The following AARS1 variants were observed in gnomAD, a reference collection of about 807,000 sequenced individuals.
AARS1 encodes the protein alanyl-tRNA synthetase 1.
AARS1 carries 72 observed loss-of-function variants against 108.9 expected under a neutral mutation model. The ratio of observed to expected loss-of-function variants is 0.66; its 90% CI spans 0.55 to 0.80. The LOEUF is 0.80. Among genes scored for constraint, AARS1 ranks in the 30% least tolerant of loss-of-function variants. AARS1 has a pLI of 0.00. For synonymous variants in AARS1, 489 were observed against 465.7 expected (o/e 1.05, Z -0.64); for missense variants, 1,193 against 1,233.2 (o/e 0.97, Z 0.49).
At chr16:70,265,210 T>G in intron 10 of AARS1, 108 bp from the exon 11 acceptor site, 1 of 1,395,452 alleles carries the variant, frequency 7.2e-7, no homozygotes, top group Non-Finnish European at 1.0e-6. Flanking sequence ...AGAACAGGGT[T>G]TTTCAATCCT....
At chr16:70,269,505 G>A (rs1960346335) in intron 7 of AARS1, 113 bp downstream of exon 7, 2 of 1,484,480 alleles carry the variant, frequency 1.3e-6, no homozygotes, top group African/African-American at 1.4e-5. Context: ...TTGTACTCCA[G>A]CCTGGGCAAC....
At chr16:70,278,884 C>A (rs1437318927) in intron 2 of AARS1, among the ~76,000 whole-genome samples, 1 of 152,000 alleles carries the variant, frequency 6.6e-6, no homozygotes, top group African/African-American at 2.4e-5. Context: ...GGGTTCAAGT[C>A]CACACTGGCA....
intron 6 of AARS1, 70 bp from the exon 7 acceptor site, chr16:70,269,833 T>G: frequency 6.3e-7 from 1 of 1,594,036 alleles, no homozygotes; most frequent in Non-Finnish European, 8.6e-7. Flanking sequence ...CCAAGGAGGT[T>G]CCTGGAGGAT....
intron 4 of AARS1, among the ~76,000 whole-genome samples, chr16:70,275,174 C>T (rs755082704): frequency 8.6e-5 from 13 of 151,308 alleles, no homozygotes; most frequent in Non-Finnish European, 1.9e-4. Context: ...GCAGAAGAAT[C>T]GCCTTAACCC....
rs1370186789 is a variant in AARS1 at position 70,265,082 on chromosome 16, T to C, written c.1368A>G (p.Gly456=). ...KLAQLKSQGK[G]AGGEDLIMLD... is the part of the protein sequence containing the mutation. The stretch of plus-strand genomic sequence containing the variant: ...GCATAATGAGGTCTTCCCCACCAGC[T>C]CCCTTGCCCTGTGATTTCAGCTGTC... The change falls in exon 11 of 21, where the codon GGA becomes GGG. Residue 456 remains glycine, a synonymous_variant. Coordinates refer to ENST00000261772, the MANE Select transcript of AARS1 (RefSeq NM_001605.3). 1.2e-6 allele frequency: 2 copies of C among 1,614,030 alleles called. No individual in the cohort carries two copies. The highest frequency in any genetic ancestry group is 2.2e-5 in the South Asian group (2 of 91,070).
intron 1 of AARS1, among the ~76,000 whole-genome samples, 186 bp from the exon 2 acceptor site, chr16:70,282,970 G>C (rs887702216): frequency 3.9e-5 from 6 of 152,156 alleles, no homozygotes; most frequent in East Asian, 1.9e-4. Flanking sequence ...AGCCCCATCT[G>C]TTCTTCCTTC....
rs770700141 is a variant in AARS1, at chr16:70,282,778, C to T, written c.-15G>A. 1 of 1,613,104 alleles carries T rather than the reference C, an allele frequency of 6.2e-7. No individual in the cohort carries two copies. The highest frequency in any genetic ancestry group is 1.3e-5 in the African/African-American group (1 of 74,820). ...GTAGAGTCCATCTTGAAAGTCACCC[C>T]AAAGAACTAATCAAAGAAAAAAAAA... On this transcript the variant is annotated 5_prime_UTR_variant, in exon 2 of 21. Coordinates refer to ENST00000261772, the MANE Select transcript of AARS1 (RefSeq NM_001605.3).
rs1960228050 is a variant in AARS1, at chr16:70,264,960, T to C, written c.1490A>G (p.Tyr497Cys). The C allele has an allele frequency of 5.0e-6, 8 of 1,613,960 alleles. No homozygotes were observed. Among genetic ancestry groups the C allele is most frequent in the African/African-American group, 1.3e-5 (1 of 74,892 alleles). ...GTGGAAGGAGCACAGCAACATACCA[T>C]AGCTACCACTGGAGTCCAAATGGTA... is the stretch of plus-strand genomic sequence containing the variant. ...YNYHLDSSGS[Y>C]VFENTVATVM... The change falls in exon 11 of 21, where the codon TAT (tyrosine) becomes TGT (cysteine). Residue 497 changes from tyrosine (Y) to cysteine (C), a missense_variant and splice_region_variant. By Grantham distance (194) the Tyr-to-Cys change is radical. Coordinates refer to ENST00000261772, the MANE Select transcript of AARS1 (RefSeq NM_001605.3).
At chr16:70,253,573 C>T in intron 19 of AARS1, 141 bp downstream of exon 19, 1 of 1,110,838 alleles carries the variant, frequency 9.0e-7, no homozygotes, top group Non-Finnish European at 1.3e-6. Context: ...CTCCCACATG[C>T]AGGGAGCTGC....
intron 3 of AARS1, 81 bp downstream of exon 3, chr16:70,276,885 A>G (rs1045850949): frequency 1.3e-6 from 2 of 1,498,702 alleles, no homozygotes; most frequent in African/African-American, 1.4e-5. Context: ...ATTTTAAAAC[A>G]TGCAAAATTA....
rs763513667 is a variant in AARS1 at position 70,265,006 on chromosome 16, C to A, written c.1444G>T (p.Asp482Tyr). The change falls in exon 11 of 21, where the codon GAT (aspartate) becomes TAT (tyrosine). Residue 482 changes from aspartate (D) to tyrosine (Y), a missense_variant. Transcript: ENST00000261772. ...TGGTAATTGTACTTTGGGGAATCAT[C>A]TGTGACCTCCAGACCCCGTGCCCGG... ...ELRARGLEVT[D>Y]DSPKYNYHLD... 1 of 1,614,166 alleles carries A rather than the reference C, an allele frequency of 6.2e-7. No homozygotes were observed. The highest frequency in any genetic ancestry group is 2.2e-5 in the East Asian group (1 of 44,880).
At position 70,261,094 on chromosome 16, in the gene AARS1, T is replaced by C. The variant is rs1960121476; in HGVS notation, c.1735A>G (p.Ile579Val). 1 of 1,613,934 alleles carries C rather than the reference T, an allele frequency of 6.2e-7. No individual in the cohort carries two copies. The highest frequency in any genetic ancestry group is 1.7e-5 in the Admixed American group (1 of 59,990). ...RGGYVLHIGT[I>V]YGDLKVGDQV... Reference sequence around the variant, plus strand: ...TCCCCCACTTTCAGGTCACCGTAGATGGTTCCAATGTGTAGCACATACCCT... The same window carrying C: ...TCCCCCACTTTCAGGTCACCGTAGACGGTTCCAATGTGTAGCACATACCCT... The change falls in exon 13 of 21, where the codon ATC becomes GTC. Residue 579 changes from isoleucine (I) to valine (V), a missense_variant. Ile to Val is a conservative substitution (Grantham distance 29). Coordinates refer to ENST00000261772, the MANE Select transcript of AARS1 (RefSeq NM_001605.3).
rs763203730 is a variant in AARS1, at chr16:70,277,161, GAGA to G, written c.145-10_145-8del. The G allele has an allele frequency of 2.5e-6, 4 of 1,613,922 alleles. No homozygotes were observed. The highest frequency in any genetic ancestry group is 2.2e-5 in the East Asian group (1 of 44,900). On this transcript the variant is annotated splice_polypyrimidine_tract_variant and splice_region_variant and intron_variant, in intron 2 of 20. Coordinates refer to ENST00000261772, the MANE Select transcript of AARS1 (RefSeq NM_001605.3). ...TCAGGAAAATGGGTTTAAACTAAAA[GAGA>G]AGGACAGCAGTTCAACTTTTAAAGG...
At chr16:70,280,059 T>G (rs1960657500) in intron 2 of AARS1, among the ~76,000 whole-genome samples, 1 of 151,936 alleles carries the variant, frequency 6.6e-6, no homozygotes, top group Non-Finnish European at 1.5e-5. Context: ...TTTTCAATTT[T>G]TCTTTTGCTT....
chr16:70,265,515 T>C, intron 10 of AARS1, 23 bp downstream of exon 10: 1 of 1,613,668 alleles, frequency 6.2e-7, no homozygotes, highest in Non-Finnish European at 8.5e-7. Flanking sequence ...TTGGGTTTCC[T>C]GTTCACTCTC....
Position 70,277,213 on chromosome 16 carries a change from C to T in AARS1, c.145-59G>A, listed in dbSNP as rs1435032440. 11 of 1,531,258 alleles carry T rather than the reference C, an allele frequency of 7.2e-6. No homozygotes were observed. In the African/African-American group the frequency reaches 1.4e-4, roughly 19 times the overall value. 94.9% of individuals were successfully genotyped at this position (1,531,258 alleles called of 1,614,324 possible). A position where few individuals can be genotyped will look rare whatever the true frequency, so the allele number is the denominator to read the frequency against. On this transcript the variant is annotated intron_variant, in intron 2 of 20. Coordinates refer to ENST00000261772, the MANE Select transcript of AARS1 (RefSeq NM_001605.3). Reference sequence around the variant, plus strand: ...GGGTGCAAGTGATGTCAGGTGGCCACACACTAGCAGGAAGAGACGACCACA... The same window carrying T: ...GGGTGCAAGTGATGTCAGGTGGCCATACACTAGCAGGAAGAGACGACCACA...
Position 70,258,017 on chromosome 16 carries a change from C to G in AARS1, c.2177+16G>C, listed in dbSNP as rs772813834. 2 of 1,613,854 alleles carry G rather than the reference C, an allele frequency of 1.2e-6. No individual in the cohort carries two copies. Among genetic ancestry groups the G allele is most frequent in the African/African-American group, 1.3e-5 (1 of 74,900 alleles). On this transcript the variant is annotated intron_variant, in intron 15 of 20. Coordinates refer to ENST00000261772, the MANE Select transcript of AARS1 (RefSeq NM_001605.3). ...AGGTAGATGACCTGTCTACTCTGCC[C>G]CTCTGCAGTACTCACGTTCCCCCAC...
chr16:70,262,715 T>C (rs1188833215), intron 11 of AARS1, among the ~76,000 whole-genome samples, 191 bp from the exon 12 acceptor site: 1 of 151,280 alleles, frequency 6.6e-6, no homozygotes, highest in Non-Finnish European at 1.5e-5. Context: ...CCCCCTATAA[T>C]CCCAGCACTT....
chr16:70,262,553 AC>A, intron 11 of AARS1, 29 bp from the exon 12 acceptor site: 2 of 1,592,138 alleles, frequency 1.3e-6, no homozygotes, highest in Non-Finnish European at 1.7e-6. Flanking sequence ...TAGAAAGGGG[AC>A]AGTGGGGTCA....
Sources: allele counts gnomAD v4.1 joint callset (sites outside exome capture counted in the v4.1 genomes callset), GRCh38; gene constraint gnomAD v4.1.1; transcripts MANE v1.5; gene names NCBI Gene and HGNC (gene_info 2026-07-23, HGNC 2026-07-21).